LYPD6B: variants seen among roughly 807,000 people sequenced by gnomAD.
LYPD6B encodes LY6/PLAUR domain containing 6B.
In LYPD6B, 17 loss-of-function variants were observed where a neutral mutation model predicts 22.8. That is an observed-to-expected ratio of 0.75 (90% CI 0.51 to 1.12). The LOEUF (loss-of-function observed/expected upper bound fraction) is 1.12. LYPD6B is among the 50% of genes most tolerant of loss of function. LYPD6B has a pLI of 0.00. For synonymous variants in LYPD6B, 106 were observed against 91.6 expected, an observed-to-expected ratio of 1.16 and a Z score of -0.90; for missense variants, 221 against 258.3, an observed-to-expected ratio of 0.86 and a Z score of 0.99.
At chr2:149,050,609 G>A (rs890813594) in intron 1 of LYPD6B, among the ~76,000 whole-genome samples, 11 of 152,302 alleles carry the variant, frequency 7.2e-5, no homozygotes, top group Non-Finnish European at 1.0e-4. Context: ...ACAAAGATGA[G>A]GGCTGCAAGT....
At chr2:149,040,506 G>A (rs968961855) in intron 1 of LYPD6B, among the ~76,000 whole-genome samples, 2 of 152,098 alleles carry the variant, frequency 1.3e-5, no homozygotes, top group Admixed American at 6.5e-5. Context: ...GATTATAGGA[G>A]TGAGCCACTG....
chr2:149,141,395 T>C (rs995896174), intron 2 of LYPD6B, among the ~76,000 whole-genome samples: 1 of 152,186 alleles, frequency 6.6e-6, no homozygotes, highest in Non-Finnish European at 1.5e-5. Flanking sequence ...TCATCTTCTG[T>C]ATTTTTTGTA....
intron 5 of LYPD6B, among the ~76,000 whole-genome samples, chr2:149,209,337 C>T (rs1693699170): frequency 6.6e-6 from 1 of 151,892 alleles, no homozygotes; most frequent in Non-Finnish European, 1.5e-5. Flanking sequence ...AGAATTTGGA[C>T]TAGGTTGGTA....
chr2:149,058,421 A>C (rs6725457), intron 1 of LYPD6B, among the ~76,000 whole-genome samples: 81,857 of 152,110 alleles, frequency 0.54, 23,478 homozygotes, highest in Non-Finnish European at 0.62. Context: ...GCATTTTGGT[A>C]CAAGCTTAAT....
At chr2:149,209,224 G>A (rs1471385447) in intron 5 of LYPD6B, among the ~76,000 whole-genome samples, 4 of 152,150 alleles carry the variant, frequency 2.6e-5, no homozygotes, top group Non-Finnish European at 5.9e-5. Context: ...CATAGCAGTT[G>A]TGTTCCAAAA....
intron 1 of LYPD6B, among the ~76,000 whole-genome samples, chr2:149,110,976 A>G (rs996872358): frequency 1.3e-5 from 2 of 152,194 alleles, no homozygotes; most frequent in Non-Finnish European, 2.9e-5. Context: ...AAAGTGAAGT[A>G]GTGTGGCTGG....
intron 1 of LYPD6B, among the ~76,000 whole-genome samples, chr2:149,122,346 A>C (rs1474264770): frequency 1.4e-5 from 2 of 141,254 alleles, no homozygotes; most frequent in Non-Finnish European, 3.1e-5. Context: ...TCCTAACCCC[A>C]CCCCTCCAGG....
intron 3 of LYPD6B, among the ~76,000 whole-genome samples, chr2:149,170,612 C>G (rs1690752023): frequency 6.6e-6 from 1 of 152,162 alleles, no homozygotes; most frequent in Non-Finnish European, 1.5e-5. Context: ...ATATTTATTA[C>G]AGATCTAGAG....
At chr2:149,148,546 G>C (rs1420533219) in intron 2 of LYPD6B, among the ~76,000 whole-genome samples, 1 of 152,236 alleles carries the variant, frequency 6.6e-6, no homozygotes, top group Non-Finnish European at 1.5e-5. Flanking sequence ...TCTCCTTAGA[G>C]GGATGTCCAG....
chr2:149,114,759 A>G (rs990214007), intron 1 of LYPD6B, among the ~76,000 whole-genome samples: 6 of 152,128 alleles, frequency 3.9e-5, no homozygotes, highest in African/African-American at 1.4e-4. Flanking sequence ...AGCTATTTCA[A>G]AGGGTCTTCT....
At chr2:149,198,091 A>G (rs1056729312) in intron 3 of LYPD6B, among the ~76,000 whole-genome samples, 1 of 149,250 alleles carries the variant, frequency 6.7e-6, no homozygotes, top group African/African-American at 2.5e-5. Flanking sequence ...CACCCAGGCT[A>G]GAGTGCAGTG....
At chr2:149,153,046 G>A (rs1365229771) in intron 2 of LYPD6B, among the ~76,000 whole-genome samples, 2 of 152,164 alleles carry the variant, frequency 1.3e-5, no homozygotes, top group Admixed American at 6.5e-5. Context: ...TCCCTAATCT[G>A]TCAAGCATGC....
At chr2:149,104,879 G>T (rs1376453217) in intron 1 of LYPD6B, among the ~76,000 whole-genome samples, 1 of 151,798 alleles carries the variant, frequency 6.6e-6, no homozygotes, top group Non-Finnish European at 1.5e-5. Flanking sequence ...TTCACTTATT[G>T]TTTTTCTTAG....
intron 3 of LYPD6B, among the ~76,000 whole-genome samples, chr2:149,190,493 A>C (rs556882288): frequency 8.5e-5 from 13 of 152,340 alleles, no homozygotes; most frequent in African/African-American, 2.9e-4. Flanking sequence ...TAATGTTGTC[A>C]AATTGCTCCA....
intron 1 of LYPD6B, among the ~76,000 whole-genome samples, chr2:149,120,377 A>ATTTTTTTTTTT (rs1343156188): frequency 7.0e-5 from 3 of 43,144 alleles, no homozygotes; most frequent in African/African-American, 1.4e-4. Flanking sequence ...ATATATATAT[A>ATTTTTTTTTTT]TATATATTTT....
At chr2:149,189,530 G>A (rs1285573643) in intron 3 of LYPD6B, among the ~76,000 whole-genome samples, 1 of 151,706 alleles carries the variant, frequency 6.6e-6, no homozygotes, top group Non-Finnish European at 1.5e-5. Context: ...GGAATCTGAA[G>A]TTAGGAGTAG....
chr2:149,039,542 A>T (rs2105234712), intron 1 of LYPD6B, among the ~76,000 whole-genome samples: 1 of 152,364 alleles, frequency 6.6e-6, no homozygotes, highest in East Asian at 1.9e-4. Flanking sequence ...TAGCTGTGTG[A>T]CCTTGGGCAA....
intron 1 of LYPD6B, among the ~76,000 whole-genome samples, chr2:149,073,919 C>A (rs568571239): frequency 6.4e-4 from 97 of 151,856 alleles, no homozygotes; most frequent in African/African-American, 2.2e-3. Flanking sequence ...GACGGCTGTA[C>A]GAAAGGAGAA....
rs1041068154 is a variant in LYPD6B, at chr2:149,071,080, C to T, written c.-67+32279C>T. On this transcript the variant is annotated intron_variant, in intron 1 of 6. Transcript: ENST00000409642. ...GGGGCTAGGAGGAGAGGGACTCCTG[C>T]GTGGCTTTGTAAATAGCGATAAAGC... 2.6e-5 allele frequency among the ~76,000 whole-genome samples: 4 copies of T among 152,150 alleles called. No individual in the cohort carries two copies. In the South Asian group the frequency reaches 6.2e-4, roughly 24 times the overall value.
Sources: allele counts gnomAD v4.1 joint callset (sites outside exome capture counted in the v4.1 genomes callset), GRCh38; gene constraint gnomAD v4.1.1; transcripts MANE v1.5; gene names NCBI Gene and HGNC (gene_info 2026-07-23, HGNC 2026-07-21).